The following PRELID2 variants were observed in gnomAD, a reference collection of about 807,000 sequenced individuals.
PRELID2 encodes PRELI domain-containing protein 2.
A neutral mutation model predicts 28.4 loss-of-function variants in PRELID2; 25 were observed. That is an observed-to-expected ratio of 0.88 (90% CI 0.64 to 1.23). The LOEUF is 1.23. Among genes scored for constraint, PRELID2 ranks in the 50% most tolerant of loss-of-function variants. The pLI, the probability that PRELID2 is intolerant of heterozygous loss-of-function variation, is 0.00. For synonymous variants in PRELID2, 76 were observed against 71.6 expected, an observed-to-expected ratio of 1.06 and a Z score of -0.31; for missense variants, 201 against 214.4, an observed-to-expected ratio of 0.94 and a Z score of 0.39.
At chr5:145,813,829 G>A (rs1000264880) in intron 4 of PRELID2, among the ~76,000 whole-genome samples, 4 of 152,072 alleles carry the variant, frequency 2.6e-5, no homozygotes, top group African/African-American at 9.7e-5. Flanking sequence ...ACAGAAGTCT[G>A]GTCATATGTA....
At chr5:145,649,142 C>G (rs1224692607) in intron 1 of PRELID2, among the ~76,000 whole-genome samples, 1 of 151,978 alleles carries the variant, frequency 6.6e-6, no homozygotes, top group East Asian at 1.9e-4. Flanking sequence ...AAAAACAATA[C>G]AGTATAACAA....
intron 5 of PRELID2, among the ~76,000 whole-genome samples, chr5:145,777,587 C>G (rs1758491438): frequency 6.6e-6 from 1 of 152,232 alleles, no homozygotes; most frequent in Admixed American, 6.5e-5. Flanking sequence ...ACTGCCATCA[C>G]TGCTGGCTGC....
chr5:145,520,694 T>C (rs1752556547), intron 1 of PRELID2, among the ~76,000 whole-genome samples: 1 of 152,140 alleles, frequency 6.6e-6, no homozygotes, highest in South Asian at 2.1e-4. Flanking sequence ...TATAAATGTG[T>C]CGTAATTAAT....
chr5:145,442,332 G>A, the PRELID2 span, among the ~76,000 whole-genome samples: 1 of 151,982 alleles, frequency 6.6e-6, no homozygotes, highest in African/African-American at 2.4e-5. Context: ...AGTTGTGCCT[G>A]GTACAGATCA....
At chr5:145,507,081 G>A (rs971048351) in intron 1 of PRELID2, among the ~76,000 whole-genome samples, 1 of 152,082 alleles carries the variant, frequency 6.6e-6, no homozygotes, top group Admixed American at 6.6e-5. Context: ...TACAGTAAGG[G>A]CTCAATAAAT....
Position 145,813,400 on chromosome 5 carries a change from T to C in PRELID2, c.368+4494A>G, listed in dbSNP as rs949418785. Among the ~76,000 whole-genome samples the C allele has an allele frequency of 5.3e-5, 8 of 152,214 alleles. No individual in the cohort carries two copies. The East Asian group carries it at 5.8e-4, about 11-fold the overall frequency. ...AAGGAAACATAAGTTCTCTGGAATG[T>C]GGATCCCAGCTTTCAGCATATCAAC... On this transcript the variant is annotated intron_variant, in intron 4 of 6. Transcript: ENST00000683046.
the PRELID2 span, among the ~76,000 whole-genome samples, chr5:145,321,607 T>C: frequency 6.6e-6 from 1 of 152,198 alleles, no homozygotes; most frequent in East Asian, 1.9e-4. Flanking sequence ...GCAAGCACCC[T>C]ATTTTGTTTT....
chr5:145,557,080 C>A (rs1014816454), intron 1 of PRELID2, among the ~76,000 whole-genome samples: 1 of 152,206 alleles, frequency 6.6e-6, no homozygotes, highest in Non-Finnish European at 1.5e-5. Context: ...TACCCAGTGT[C>A]TGTTTTGTTC....
intron 1 of PRELID2, among the ~76,000 whole-genome samples, chr5:145,651,701 G>A (rs1200065016): frequency 6.6e-6 from 1 of 152,190 alleles, no homozygotes; most frequent in Admixed American, 6.5e-5. Context: ...GGTCCTGACT[G>A]TTAAAAGGAA....
At chr5:145,532,748 G>A (rs112157267) in intron 1 of PRELID2, among the ~76,000 whole-genome samples, 19 of 152,006 alleles carry the variant, frequency 1.2e-4, no homozygotes, top group Admixed American at 3.9e-4. Context: ...ATTTCACTAA[G>A]CATAATTTCC....
At chr5:145,623,341 G>A (rs1011606911) in intron 1 of PRELID2, among the ~76,000 whole-genome samples, 6 of 151,802 alleles carry the variant, frequency 4.0e-5, no homozygotes, top group Admixed American at 6.6e-5. Context: ...CCAGCTACTC[G>A]GGAGGCTGAG....
chr5:145,648,026 G>A (rs976780931), intron 1 of PRELID2, among the ~76,000 whole-genome samples: 3 of 152,168 alleles, frequency 2.0e-5, no homozygotes, highest in African/African-American at 7.2e-5. Flanking sequence ...TTTTATACAC[G>A]ACTAGGGAAG....
the PRELID2 span, among the ~76,000 whole-genome samples, chr5:145,401,149 G>A: frequency 4.9e-4 from 75 of 152,066 alleles, no homozygotes; most frequent in Middle Eastern, 6.8e-3. Context: ...CTTAAATCAC[G>A]CAGTTGAAAT....
the PRELID2 span, among the ~76,000 whole-genome samples, chr5:145,365,517 T>G: frequency 2.0e-5 from 3 of 151,922 alleles, no homozygotes; most frequent in African/African-American, 7.2e-5. Context: ...TAAAAAGAAA[T>G]TTCTGAAGGG....
rs78273644 is a variant in PRELID2, at chr5:145,528,198, A to G, written n.71-54883T>C. Among the ~76,000 whole-genome samples the G allele has an allele frequency of 1.1e-4, 16 of 152,248 alleles. No individual in the cohort carries two copies. The East Asian group carries it at 2.5e-3, about 24-fold the overall frequency. On this transcript the variant is annotated intron_variant and non_coding_transcript_variant, in intron 1 of 2. Coordinates refer to the PRELID2 transcript ENST00000510259. ...CTCAACACCTCATAGCATTTACCTGAGTTGTAGTTTCAGTATACATCTGGA... is the reference window on the plus strand; with the variant it reads ...CTCAACACCTCATAGCATTTACCTGGGTTGTAGTTTCAGTATACATCTGGA...
At chr5:145,625,355 T>G (rs1408373896) in intron 1 of PRELID2, among the ~76,000 whole-genome samples, 1 of 152,120 alleles carries the variant, frequency 6.6e-6, no homozygotes, top group African/African-American at 2.4e-5. Context: ...TTACTACATA[T>G]TTATATAATG....
At chr5:145,318,433 T>C in the PRELID2 span, among the ~76,000 whole-genome samples, 2 of 152,228 alleles carry the variant, frequency 1.3e-5, no homozygotes, top group South Asian at 2.1e-4. Context: ...AATCATAAAA[T>C]AACTCACAAT....
At chr5:145,637,332 A>G (rs1754017039) in intron 1 of PRELID2, among the ~76,000 whole-genome samples, 1 of 152,220 alleles carries the variant, frequency 6.6e-6, no homozygotes, top group South Asian at 2.1e-4. Context: ...AGAAAGGTGA[A>G]GCCATTCGTC....
the PRELID2 span, among the ~76,000 whole-genome samples, chr5:145,298,670 C>A: frequency 5.3e-5 from 8 of 152,000 alleles, no homozygotes; most frequent in Admixed American, 1.3e-4. Flanking sequence ...AATGCCGGTA[C>A]GTGTCAAGAC....
Sources: allele counts gnomAD v4.1 joint callset (sites outside exome capture counted in the v4.1 genomes callset), GRCh38; gene constraint gnomAD v4.1.1; transcripts MANE v1.5; gene names NCBI Gene and HGNC (gene_info 2026-07-23, HGNC 2026-07-21).